PPM1E: variants seen among roughly 807,000 people sequenced by gnomAD.
PPM1E encodes protein phosphatase 1E.
In PPM1E, 20 loss-of-function variants were observed where a neutral mutation model predicts 65.9. The observed-to-expected ratio is 0.30, with a 90% CI of 0.21 to 0.44. The LOEUF (loss-of-function observed/expected upper bound fraction) is 0.44. PPM1E is among the 20% of genes least tolerant of loss of function. The probability of loss-of-function intolerance (pLI) is 1.00; values close to 1 mark genes in which losing one functional copy is unlikely to be tolerated. For synonymous variants in PPM1E, 352 were observed against 374.9 expected, an observed-to-expected ratio of 0.94 and a Z score of 0.70; for missense variants, 713 against 953.1, an observed-to-expected ratio of 0.75 and a Z score of 3.32.
intron 1 of PPM1E, among the ~76,000 whole-genome samples, chr17:58,766,779 CTT>C (rs2049884488): frequency 6.6e-6 from 1 of 152,044 alleles, no homozygotes; most frequent in African/African-American, 2.4e-5. Flanking sequence ...GGAATGATCT[CTT>C]AAGTTCTGAG....
intron 1 of PPM1E, among the ~76,000 whole-genome samples, chr17:58,880,738 C>G (rs562769579): frequency 5.9e-5 from 9 of 152,196 alleles, no homozygotes; most frequent in African/African-American, 2.2e-4. Flanking sequence ...ATCATCCCAC[C>G]TCAGTCTCCT....
chr17:58,912,096 A>C (rs1336886002), intron 1 of PPM1E, among the ~76,000 whole-genome samples: 2 of 152,182 alleles, frequency 1.3e-5, no homozygotes, highest in East Asian at 3.8e-4. Context: ...GCTAAGACTT[A>C]AACTTTTCCA....
intron 2 of PPM1E, among the ~76,000 whole-genome samples, chr17:58,958,241 C>G (rs570265534): frequency 6.6e-6 from 1 of 151,290 alleles, no homozygotes; most frequent in South Asian, 2.1e-4. Flanking sequence ...GAAAGGGTCT[C>G]CCTCTGTTAC....
chr17:58,934,087 C>CAA (rs11316368), intron 1 of PPM1E, among the ~76,000 whole-genome samples: 382 of 79,576 alleles, frequency 4.8e-3, no homozygotes, highest in Non-Finnish European at 5.5e-3. Flanking sequence ...GACTTCGTAT[C>CAA]AAAAAAAAAA....
chr17:58,838,889 G>C (rs1436012281), intron 1 of PPM1E, among the ~76,000 whole-genome samples: 1 of 152,128 alleles, frequency 6.6e-6, no homozygotes, highest in Non-Finnish European at 1.5e-5. Flanking sequence ...AAGACATGGA[G>C]AAAATATAGA....
At chr17:58,776,964 G>A (rs534430407) in intron 1 of PPM1E, among the ~76,000 whole-genome samples, 2 of 152,224 alleles carry the variant, frequency 1.3e-5, no homozygotes, top group African/African-American at 4.8e-5. Flanking sequence ...TGGGTGCAGT[G>A]GCTCATGACT....
intron 1 of PPM1E, among the ~76,000 whole-genome samples, chr17:58,862,228 G>T (rs2143305550): frequency 6.6e-6 from 1 of 152,304 alleles, no homozygotes; most frequent in Admixed American, 6.5e-5. Context: ...CAGTGGAAGG[G>T]CTTTTGGCAA....
At chr17:58,825,207 G>A (rs1045167804) in intron 1 of PPM1E, among the ~76,000 whole-genome samples, 3 of 139,700 alleles carry the variant, frequency 2.1e-5, no homozygotes, top group African/African-American at 8.2e-5. Context: ...TTGAACTATT[G>A]ATTCTCACAC....
chr17:58,866,306 T>C (rs2051002875), intron 1 of PPM1E, among the ~76,000 whole-genome samples: 2 of 152,200 alleles, frequency 1.3e-5, no homozygotes, highest in South Asian at 4.1e-4. Flanking sequence ...GTAGATTCCC[T>C]CAAATCAAGG....
At chr17:58,950,639 T>G (rs2143630159) in intron 1 of PPM1E, among the ~76,000 whole-genome samples, 1 of 152,168 alleles carries the variant, frequency 6.6e-6, no homozygotes, top group East Asian at 1.9e-4. Context: ...TTTTTTTTTC[T>G]GCCTGAGTTT....
At chr17:58,793,495 A>G (rs1348780042) in intron 1 of PPM1E, among the ~76,000 whole-genome samples, 1 of 151,782 alleles carries the variant, frequency 6.6e-6, no homozygotes, top group Non-Finnish European at 1.5e-5. Context: ...AGCTGGGACT[A>G]CAGGCACCCA....
At chr17:58,805,974 C>CAAAAAAAAAAAAAAAAAAAAAAAAAA (rs1341289870) in intron 1 of PPM1E, among the ~76,000 whole-genome samples, 1 of 74,016 alleles carries the variant, frequency 1.4e-5, no homozygotes, top group Non-Finnish European at 2.5e-5. Flanking sequence ...AAAAAAAAAA[C>CAAAAAAAAAAAAAAAAAAAAAAAAAA]AAAAAAAAAA....
At position 58,836,400 on chromosome 17, in the gene PPM1E, T is replaced by C. The variant is rs1026276625; in HGVS notation, c.464+79939T>C. On this transcript the variant is annotated intron_variant, in intron 1 of 6. Coordinates refer to ENST00000308249, the MANE Select transcript of PPM1E (RefSeq NM_014906.5). Reference sequence around the variant, plus strand: ...ACTTTGGGAGGCCAAGGTATGAGGATTTAATGAGCCCAGGAGTTCAAGACC... The same window carrying C: ...ACTTTGGGAGGCCAAGGTATGAGGACTTAATGAGCCCAGGAGTTCAAGACC... 1.3e-5 allele frequency among the ~76,000 whole-genome samples: 2 copies of C among 151,712 alleles called. 1 individual carries two copies. The highest frequency in any genetic ancestry group is 4.2e-4 in the South Asian group (2 of 4,802).
At chr17:58,771,563 C>T (rs930475779) in intron 1 of PPM1E, among the ~76,000 whole-genome samples, 2 of 150,796 alleles carry the variant, frequency 1.3e-5, no homozygotes, top group Non-Finnish European at 2.9e-5. Flanking sequence ...GGTGGAGTTG[C>T]AGTGAGCCCA....
chr17:58,872,181 C>T (rs759586198), intron 1 of PPM1E, among the ~76,000 whole-genome samples: 1 of 152,076 alleles, frequency 6.6e-6, no homozygotes, highest in Non-Finnish European at 1.5e-5. Flanking sequence ...CCTGTAATCC[C>T]AGCTACTCCA....
chr17:58,757,294 T>C (rs1346530222), intron 1 of PPM1E, among the ~76,000 whole-genome samples: 1 of 152,042 alleles, frequency 6.6e-6, no homozygotes, highest in Non-Finnish European at 1.5e-5. Flanking sequence ...TGGGATGGGG[T>C]GGGGAGAAAG....
intron 1 of PPM1E, among the ~76,000 whole-genome samples, chr17:58,765,794 A>G (rs1160394275): frequency 6.6e-6 from 1 of 151,708 alleles, no homozygotes. Context: ...AAACATTACC[A>G]TTGTTGTCTT....
intron 5 of PPM1E, among the ~76,000 whole-genome samples, chr17:58,972,597 T>C (rs1352543503): frequency 1.3e-5 from 2 of 152,174 alleles, no homozygotes; most frequent in African/African-American, 4.8e-5. Context: ...GTGATCTGCC[T>C]GCTTCGGCCT....
chr17:58,843,995 A>T (rs544300509), intron 1 of PPM1E, among the ~76,000 whole-genome samples: 1 of 152,232 alleles, frequency 6.6e-6, no homozygotes, highest in African/African-American at 2.4e-5. Flanking sequence ...TAGGCAGAGC[A>T]TTATAGTTTT....
Sources: gnomAD v4.1 joint callset for allele counts (sites outside exome capture counted in the v4.1 genomes callset) on GRCh38, gnomAD v4.1.1 for gene constraint, MANE v1.5 for transcripts, NCBI Gene and HGNC (gene_info 2026-07-23, HGNC 2026-07-21) for gene names.